Variants in CSF1 observed in about 807,000 individuals in gnomAD.
The protein encoded by CSF1 is macrophage colony-stimulating factor 1.
CSF1 carries 9 observed loss-of-function variants against 48.9 expected under a neutral mutation model. That is an observed-to-expected ratio of 0.18 (90% CI 0.11 to 0.32). The LOEUF (loss-of-function observed/expected upper bound fraction) is 0.32. Among genes scored for constraint, CSF1 ranks in the 10% least tolerant of loss-of-function variants. CSF1 has a pLI of 1.00. For synonymous variants in CSF1, 305 were observed against 284.1 expected (o/e 1.07, Z -0.74); for missense variants, 672 against 697.9 (o/e 0.96, Z 0.42).
chr1:109,922,541 ATGTG>A (rs1647606773), intron 5 of CSF1: 1 of 154,302 alleles, frequency 6.5e-6, no homozygotes, highest in African/African-American at 2.4e-5. Flanking sequence ...AGCTGCATAC[ATGTG>A]TACACTGCGT....
Position 109,911,058 on chromosome 1 carries a change from C to T in CSF1, c.35C>T (p.Pro12Leu). The stretch of plus-strand genomic sequence containing the variant: ...CCGGGCGCCGCCGGGCGCTGCCCTC[C>T]CACGGTAAGCGACGGCCGCGGCGCT... ...TAPGAAGRCP[P>L]TTWLGSLLLL... Residue 12 changes from proline to leucine, a missense_variant, in exon 1 of 9, where the codon CCC (proline) becomes CTC (leucine). Coordinates refer to ENST00000329608, the MANE Select transcript of CSF1 (RefSeq NM_000757.6). 9.0e-7 allele frequency: 1 copy of T among 1,107,712 alleles called. No homozygotes were observed. The highest frequency in any genetic ancestry group is 1.1e-6 in the Non-Finnish European group (1 of 909,554). 68.6% of individuals were successfully genotyped at this position (1,107,712 alleles called of 1,614,324 possible). A position where few individuals can be genotyped will look rare whatever the true frequency, so the allele number is the denominator to read the frequency against.
At chr1:109,923,033 G>C (rs934075493) in intron 5 of CSF1, 133 bp from the exon 6 acceptor site, 1 of 834,750 alleles carries the variant, frequency 1.2e-6, no homozygotes, top group Non-Finnish European at 1.8e-6. Flanking sequence ...CTCAGCCCCA[G>C]GGCTGAGCTA....
rs1279935600 is a variant in CSF1 at position 109,924,092 on chromosome 1, C to T, written c.1471C>T (p.Pro491Ser). 1 of 1,614,078 alleles carries T rather than the reference C, an allele frequency of 6.2e-7. No homozygotes were observed. Among genetic ancestry groups the T allele is most frequent in the African/African-American group, 1.3e-5 (1 of 74,936 alleles). The change falls in exon 6 of 9, where the codon CCG becomes TCG. Residue 491 changes from proline to serine, a missense_variant. By Grantham distance (74) the Pro-to-Ser change is moderately conservative. Around this residue, in one of 3 missense-constraint regions of CSF1, gnomAD observed 591 missense variants for 593.6 expected, o/e 1.00. Coordinates refer to ENST00000329608, the MANE Select transcript of CSF1 (RefSeq NM_000757.6). ...GAGGCAGTCCGAGGGATCCTTCAGC[C>T]CGCAGCTCCAGGAGTCTGTCTTCCA... The part of the protein sequence containing the change: ...HERQSEGSFS[P>S]QLQESVFHLL...
In CSF1 at chr1:109,923,273, G is replaced by C. The variant is rs1264387872; in HGVS notation, c.652G>C (p.Val218Leu). The C allele has an allele frequency of 1.2e-6, 2 of 1,611,962 alleles. No individual in the cohort carries two copies. Among genetic ancestry groups the C allele is most frequent in the African/African-American group, 1.3e-5 (1 of 74,958 alleles). The change falls in exon 6 of 9, where the codon GTG (valine) becomes CTG (leucine). Residue 218 changes from valine to leucine, a missense_variant. Around this residue, in one of 3 missense-constraint regions of CSF1, gnomAD observed 591 missense variants for 593.6 expected, o/e 1.00. Coordinates refer to ENST00000329608, the MANE Select transcript of CSF1 (RefSeq NM_000757.6). ...GCCCCTCGCCCCCTCCATGGCCCCTGTGGCTGGCTTGACCTGGGAGGACTC... is the reference window on the plus strand; with the variant it reads ...GCCCCTCGCCCCCTCCATGGCCCCTCTGGCTGGCTTGACCTGGGAGGACTC... ...HQPLAPSMAP[V>L]AGLTWEDSEG...
chr1:109,915,179 A>C (rs1654844654), intron 2 of CSF1, among the ~76,000 whole-genome samples: 1 of 152,218 alleles, frequency 6.6e-6, no homozygotes, highest in East Asian at 1.9e-4. Context: ...CAAGAGCCCC[A>C]GCATTCTCTG....
At chr1:109,921,406 G>GGA (rs1647533799) in intron 4 of CSF1, among the ~76,000 whole-genome samples, 1 of 152,162 alleles carries the variant, frequency 6.6e-6, no homozygotes, top group East Asian at 1.9e-4. Context: ...CTCTTTCCTG[G>GGA]TTTCTCTTGC....
chr1:109,924,704 C>T, intron 6 of CSF1, 72 bp from the exon 7 acceptor site: 1 of 1,376,826 alleles, frequency 7.3e-7, no homozygotes, highest in Non-Finnish European at 1.0e-6. Context: ...TGGGGCAGCC[C>T]TTACTGGGGA....
At position 109,923,757 on chromosome 1, in the gene CSF1, A is replaced by G; in HGVS notation, c.1136A>G (p.Asp379Gly). The G allele has an allele frequency of 6.2e-7, 1 of 1,609,424 alleles. No individual in the cohort carries two copies. Among genetic ancestry groups the G allele is most frequent in the South Asian group, 1.1e-5 (1 of 90,458 alleles). Residue 379 changes from aspartate (D) to glycine (G), a missense_variant, in exon 6 of 9, where the codon GAC becomes GGC. Asp to Gly is a moderately conservative substitution (Grantham distance 94, BLOSUM62 -1). This residue lies in a region of CSF1 where 591 missense variants were observed against 593.6 expected (regional missense o/e 1.00). Coordinates refer to ENST00000329608, the MANE Select transcript of CSF1 (RefSeq NM_000757.6). ...GGCCCCGTGAGGCCCACTGGCCAGG[A>G]CTGGAATCACACCCCCCAGAAGACA... ...RVGPVRPTGQDWNHTPQKTDH... is the reference protein window; with the variant it reads ...RVGPVRPTGQGWNHTPQKTDH...
intron 7 of CSF1, 137 bp from the exon 8 acceptor site, chr1:109,925,010 G>A (rs878931229): frequency 3.2e-5 from 34 of 1,055,076 alleles, no homozygotes; most frequent in African/African-American, 1.6e-4. Context: ...TGATTTCTCC[G>A]TAGAGTTAGA....
chr1:109,917,019 T>A (rs1647254371), intron 3 of CSF1, among the ~76,000 whole-genome samples: 1 of 152,046 alleles, frequency 6.6e-6, no homozygotes, highest in South Asian at 2.1e-4. Flanking sequence ...CCTATATACA[T>A]CCATCGTGAT....
chr1:109,911,056 T>C lies in CSF1; in HGVS notation c.33T>C (p.Pro11=). The C allele has an allele frequency of 1.8e-6, 2 of 1,112,422 alleles. No individual in the cohort carries two copies. The highest frequency in any genetic ancestry group is 4.0e-5 in the South Asian group (1 of 25,286). The allele number at this position is 1,112,422 out of a possible 1,614,324, so 68.9% of individuals were successfully genotyped here. A position where few individuals can be genotyped will look rare whatever the true frequency, so the allele number is the denominator to read the frequency against. Residue 11 remains proline (P), a synonymous_variant, in exon 1 of 9, where the codon CCT becomes CCC. Transcript: ENST00000329608. The part of the protein sequence containing the change: MTAPGAAGRC[P]PTTWLGSLLL... Reference sequence around the variant, plus strand: ...CGCCGGGCGCCGCCGGGCGCTGCCCTCCCACGGTAAGCGACGGCCGCGGCG... The same window carrying C: ...CGCCGGGCGCCGCCGGGCGCTGCCCCCCCACGGTAAGCGACGGCCGCGGCG...
At chr1:109,928,599 A>G (rs1364702296) in intron 8 of CSF1, among the ~76,000 whole-genome samples, 1 of 152,056 alleles carries the variant, frequency 6.6e-6, no homozygotes. Context: ...GGGCCCCGTT[A>G]TCTTCCACTG....
At chr1:109,914,889 A>G (rs1192489130) in intron 2 of CSF1, among the ~76,000 whole-genome samples, 1 of 152,236 alleles carries the variant, frequency 6.6e-6, no homozygotes, top group Non-Finnish European at 1.5e-5. Context: ...CCATACCCTG[A>G]GGCTGGGATG....
rs139637929 is a variant in CSF1 at position 109,923,738 on chromosome 1, G to A, written c.1117G>A (p.Val373Met). 3.4e-5 allele frequency: 55 copies of A among 1,611,064 alleles called. No homozygotes were observed. Among genetic ancestry groups the A allele is most frequent in the East Asian group, 1.6e-4 (7 of 44,812 alleles). ...TGTALPRVGP[V>M]RPTGQDWNHT... ...TACCGCCTTGCCCAGGGTGGGCCCCGTGAGGCCCACTGGCCAGGACTGGAA... is the reference window on the plus strand; with the variant it reads ...TACCGCCTTGCCCAGGGTGGGCCCCATGAGGCCCACTGGCCAGGACTGGAA... The change falls in exon 6 of 9, where the codon GTG becomes ATG. Residue 373 changes from valine to methionine, a missense_variant. Val to Met is a conservative substitution (Grantham distance 21, BLOSUM62 1). Coordinates refer to ENST00000329608, the MANE Select transcript of CSF1 (RefSeq NM_000757.6).
At position 109,923,781 on chromosome 1, in the gene CSF1, C is replaced by T; in HGVS notation, c.1160C>T (p.Thr387Ile). 1 of 1,608,220 alleles carries T rather than the reference C, an allele frequency of 6.2e-7. No individual in the cohort carries two copies. Among genetic ancestry groups the T allele is most frequent in the Non-Finnish European group, 8.5e-7 (1 of 1,177,112 alleles). Reference sequence around the variant, plus strand: ...GACTGGAATCACACCCCCCAGAAGACAGACCATCCATCTGCCCTGCTCAGA... The same window carrying T: ...GACTGGAATCACACCCCCCAGAAGATAGACCATCCATCTGCCCTGCTCAGA... ...GQDWNHTPQK[T>I]DHPSALLRDP... The change falls in exon 6 of 9, where the codon ACA becomes ATA. Residue 387 changes from threonine (T) to isoleucine (I), a missense_variant. Transcript: ENST00000329608.
At chr1:109,912,946 C>T (rs565588983) in intron 1 of CSF1, among the ~76,000 whole-genome samples, 1 of 152,080 alleles carries the variant, frequency 6.6e-6, no homozygotes. Context: ...TGGTATGAAA[C>T]TATCCTTTGG....
chr1:109,924,940 G>C, intron 7 of CSF1, 112 bp downstream of exon 7: 1 of 1,157,048 alleles, frequency 8.6e-7, no homozygotes, highest in Non-Finnish European at 1.3e-6. Context: ...TGGAGCTGCA[G>C]AACAGGATGG....
intron 8 of CSF1, among the ~76,000 whole-genome samples, chr1:109,928,068 G>A (rs552791160): frequency 4.6e-5 from 7 of 152,322 alleles, no homozygotes; most frequent in African/African-American, 4.8e-5. Context: ...TGGATGTTAG[G>A]GAGGGAGGCT....
At chr1:109,922,138 T>A in intron 5 of CSF1, 144 bp downstream of exon 5, 1 of 892,526 alleles carries the variant, frequency 1.1e-6, no homozygotes, top group Non-Finnish European at 1.6e-6. Context: ...GTGCTTGTTC[T>A]GTGTATATAT....
Sources: allele counts gnomAD v4.1 joint callset (sites outside exome capture counted in the v4.1 genomes callset), GRCh38; gene constraint gnomAD v4.1.1; regional missense constraint gnomAD v4.1.1; transcripts MANE v1.5; gene names NCBI Gene and HGNC (gene_info 2026-07-23, HGNC 2026-07-21).